MYO1H: variants seen among roughly 807,000 people sequenced by gnomAD.
MYO1H encodes the protein unconventional myosin-Ih.
Under a neutral mutation model 149.3 loss-of-function variants are expected in MYO1H, and 118 were observed. The observed-to-expected ratio is 0.79, with a 90% CI of 0.68 to 0.92. The LOEUF (loss-of-function observed/expected upper bound fraction) is 0.92. Among genes scored for constraint, MYO1H ranks in the 40% least tolerant of loss-of-function variants. The pLI is 0.00. For synonymous variants in MYO1H, 447 were observed against 465.2 expected (o/e 0.96, Z 0.50); for missense variants, 1,212 against 1,280.7 (o/e 0.95, Z 0.82).
intron 25 of MYO1H, among the ~76,000 whole-genome samples, chr12:109,441,231 A>G (rs1241648908): frequency 1.3e-5 from 2 of 152,224 alleles, no homozygotes; most frequent in African/African-American, 4.8e-5. Context: ...ACAGTGAGAA[A>G]GCAGCCATGG....
intron 14 of MYO1H, among the ~76,000 whole-genome samples, chr12:109,412,219 G>A (rs150409262): frequency 1.4e-3 from 215 of 152,192 alleles, no homozygotes; most frequent in Non-Finnish European, 2.2e-3. Context: ...GTGCAGTGAC[G>A]TGATCACAGC....
chr12:109,404,987 A>T (rs1167660443), intron 7 of MYO1H, among the ~76,000 whole-genome samples: 1 of 152,016 alleles, frequency 6.6e-6, no homozygotes, highest in African/African-American at 2.4e-5. Context: ...GAGGTGGAGA[A>T]ATCACTTGAG....
At chr12:109,443,643 C>G in exon 28 of MYO1H, 1 of 1,613,662 alleles carries the variant, frequency 6.2e-7, no homozygotes, top group Non-Finnish European at 8.5e-7. Flanking sequence ...GTACTCAGCT[C>G]TCAAAGGTAA....
chr12:109,393,527 C>G, intron 3 of MYO1H, 81 bp downstream of exon 3: 1 of 884,886 alleles, frequency 1.1e-6, no homozygotes, highest in Non-Finnish European at 1.8e-6. Flanking sequence ...CACCACGCAT[C>G]TGTCCATCCA....
At chr12:109,407,748 G>T (rs766796065) in intron 9 of MYO1H, 46 bp from the exon 10 acceptor site, 2 of 1,597,546 alleles carry the variant, frequency 1.3e-6, no homozygotes, top group East Asian at 2.2e-5. Flanking sequence ...CACTCTGGGG[G>T]CTTCTTTTTT....
chr12:109,336,459 C>T, the MYO1H span, among the ~76,000 whole-genome samples: 3 of 152,176 alleles, frequency 2.0e-5, no homozygotes, highest in African/African-American at 4.8e-5. Flanking sequence ...GGCTGGATCA[C>T]GGGGTTCAAT....
intron 2 of MYO1H, among the ~76,000 whole-genome samples, chr12:109,391,335 G>T (rs1869645429): frequency 6.6e-6 from 1 of 152,088 alleles, no homozygotes; most frequent in Non-Finnish European, 1.5e-5. Flanking sequence ...CGCAGTGTTT[G>T]GTTTTCTGTT....
At chr12:109,325,105 TTATC>T in the MYO1H span, among the ~76,000 whole-genome samples, 4 of 152,248 alleles carry the variant, frequency 2.6e-5, no homozygotes, top group African/African-American at 7.2e-5. Context: ...CACATTTTCT[TTATC>T]TAGTCTATCA....
intron 3 of MYO1H, among the ~76,000 whole-genome samples, chr12:109,395,021 C>T (rs927836315): frequency 1.3e-5 from 2 of 152,186 alleles, no homozygotes; most frequent in South Asian, 2.1e-4. Context: ...CCTCAGCCTC[C>T]GAAAGTGCTG....
the MYO1H span, among the ~76,000 whole-genome samples, chr12:109,320,336 G>A: frequency 1.5e-4 from 23 of 151,378 alleles, no homozygotes; most frequent in East Asian, 7.8e-4. Context: ...CGGGCCAGAC[G>A]TGGTGGCTCA....
chr12:109,387,952 G>C (rs544561450), intron 1 of MYO1H, among the ~76,000 whole-genome samples: 59 of 152,360 alleles, frequency 3.9e-4, no homozygotes, highest in Admixed American at 6.5e-5. Context: ...GACCGAACCA[G>C]CTCTGGCCCT....
intron 1 of MYO1H, among the ~76,000 whole-genome samples, chr12:109,386,995 C>CGTGTGTGTGTGTGTGTGT (rs55675476): frequency 7.1e-6 from 1 of 141,092 alleles, no homozygotes. Flanking sequence ...ATCTCAAGTT[C>CGTGTGTGTGTGTGTGTGT]GTGTGTGTGT....
the MYO1H span, among the ~76,000 whole-genome samples, chr12:109,340,837 GAT>G: frequency 6.6e-6 from 1 of 152,282 alleles, no homozygotes; most frequent in East Asian, 1.9e-4. Context: ...GAAAGCAAGA[GAT>G]ATATAAATGG....
chr12:109,338,465 CA>C, the MYO1H span, among the ~76,000 whole-genome samples: 1 of 152,066 alleles, frequency 6.6e-6, no homozygotes, highest in African/African-American at 2.4e-5. Flanking sequence ...GTGTCTTGAT[CA>C]CATCTAAAGT....
chr12:109,352,387 C>T (rs1328432074), intron 1 of MYO1H, among the ~76,000 whole-genome samples: 2 of 152,148 alleles, frequency 1.3e-5, no homozygotes, highest in East Asian at 3.8e-4. Flanking sequence ...CACCTCCTTC[C>T]CCCAGGGTCT....
At chr12:109,327,479 A>G in the MYO1H span, among the ~76,000 whole-genome samples, 1 of 151,706 alleles carries the variant, frequency 6.6e-6, no homozygotes, top group South Asian at 2.1e-4. Flanking sequence ...GCTGGGTGCG[A>G]CGGCTCACGC....
Position 109,446,457 on chromosome 12 carries a change from G to A in MYO1H, c.3094-702G>A, listed in dbSNP as rs1322032840. The stretch of plus-strand genomic sequence containing the variant: ...TCTCATACACATTTAAATTTAAGTG[G>A]ATTTACCTATAAAGTCATTTTGCAG... On this transcript the variant is annotated intron_variant, in intron 31 of 31. Coordinates refer to ENST00000310903, the Ensembl canonical transcript of MYO1H. The A allele has an allele frequency of 3.7e-5, 36 of 985,238 alleles. 1 individual carries two copies. The highest frequency in any genetic ancestry group is 4.1e-5 in the Non-Finnish European group (34 of 829,912). 61.0% of individuals were successfully genotyped at this position (985,238 alleles called of 1,614,324 possible). A position where few individuals can be genotyped will look rare whatever the true frequency, so the allele number is the denominator to read the frequency against.
rs1312832753 is a variant in MYO1H, at chr12:109,439,646, C to T, written c.2310C>T (p.Phe770=). Residue 770 remains phenylalanine (F), a synonymous_variant, in exon 24 of 32, where the codon TTC becomes TTT. Coordinates refer to ENST00000310903, the Ensembl canonical transcript of MYO1H. ...TCCTTTTTAGGTTCATTAAAGGATT[C>T]ATCAGTCGCAACAAACCCCTCTGTC... 2.5e-6 allele frequency: 4 copies of T among 1,612,400 alleles called. No individual in the cohort carries two copies. In the South Asian group the frequency reaches 4.4e-5, roughly 18 times the overall value.
At chr12:109,401,956 T>C (rs372049380) in intron 6 of MYO1H, among the ~76,000 whole-genome samples, 8 of 152,072 alleles carry the variant, frequency 5.3e-5, no homozygotes, top group Admixed American at 2.0e-4. Context: ...TCCAGGCTGG[T>C]CTCAAACTCC....
Sources: gnomAD v4.1 joint callset for allele counts (sites outside exome capture counted in the v4.1 genomes callset) on GRCh38, gnomAD v4.1.1 for gene constraint, MANE v1.5 for transcripts, NCBI Gene and HGNC (gene_info 2026-07-23, HGNC 2026-07-21) for gene names.